Variants in NSUN7 observed in about 807,000 individuals in gnomAD.
The protein encoded by NSUN7 is NOP2/Sun RNA methyltransferase family member 7, also known as protein NSUN7.
A neutral mutation model predicts 58.5 loss-of-function variants in NSUN7; 39 were observed. The observed-to-expected ratio is 0.67, with a 90% CI of 0.52 to 0.87. The LOEUF (loss-of-function observed/expected upper bound fraction) is 0.87, where lower values mean the gene tolerates loss of function less well. Among genes scored for constraint, NSUN7 ranks in the 40% least tolerant of loss-of-function variants. NSUN7 has a pLI of 0.00. For missense variants in NSUN7, 765 were observed against 844.1 expected, an observed-to-expected ratio of 0.91 and a Z score of 1.16; for synonymous variants, 278 against 303.7, an observed-to-expected ratio of 0.92 and a Z score of 0.88.
chr4:40,801,901 CAA>C (rs56868885), intron 10 of NSUN7, among the ~76,000 whole-genome samples: 4 of 107,412 alleles, frequency 3.7e-5, no homozygotes, highest in South Asian at 3.0e-4. Flanking sequence ...GACTCTGTCT[CAA>C]AAAAAAAAAA....
rs1234226242 is a variant in NSUN7 at position 40,750,040 on chromosome 4, G to T, written c.-352G>T. The T allele has an allele frequency of 6.6e-6, 1 of 152,244 alleles. No individual in the cohort carries two copies. Among genetic ancestry groups the T allele is most frequent in the Non-Finnish European group, 1.5e-5 (1 of 68,124 alleles). 9.4% of individuals were successfully genotyped at this position (152,244 alleles called of 1,614,324 possible). A position where few individuals can be genotyped will look rare whatever the true frequency, so the allele number is the denominator to read the frequency against. On this transcript the variant is annotated 5_prime_UTR_variant, in exon 1 of 12. Transcript: ENST00000381782. ...GGCACCGCGCTCACCCCTCTTCGCC[G>T]CCACGTCCGCGAAGGCCTCACGCGC...
chr4:40,798,905 GT>G lies in NSUN7; in HGVS notation c.1400+2del. Reference sequence around the variant, plus strand: ...TTGGGAATAAAGGACAACCTTACAGGTAAGAAAAGGAAGGATTCTTCTAAAC... The same window carrying G: ...TTGGGAATAAAGGACAACCTTACAGGAAGAAAAGGAAGGATTCTTCTAAAC... On this transcript the variant is annotated splice_donor_variant, in intron 10 of 11. Coordinates refer to ENST00000381782, the MANE Select transcript of NSUN7 (RefSeq NM_024677.6). LOFTEE classifies it high-confidence loss of function. 6.8e-7 allele frequency: 1 copy of G among 1,469,110 alleles called. No individual in the cohort carries two copies. The highest frequency in any genetic ancestry group is 1.2e-5 in the South Asian group (1 of 84,838). 91.0% of individuals were successfully genotyped at this position (1,469,110 alleles called of 1,614,324 possible). A position where few individuals can be genotyped will look rare whatever the true frequency, so the allele number is the denominator to read the frequency against.
At chr4:40,784,465 T>G (rs955539194) in intron 7 of NSUN7, among the ~76,000 whole-genome samples, 1 of 152,208 alleles carries the variant, frequency 6.6e-6, no homozygotes, top group African/African-American at 2.4e-5. Flanking sequence ...ATCCTAATGG[T>G]GCAAGATGGA....
intron 7 of NSUN7, among the ~76,000 whole-genome samples, chr4:40,783,847 A>T (rs2953323): frequency 0.31 from 44,874 of 145,428 alleles, 6,858 homozygotes; most frequent in Non-Finnish European, 0.34. Flanking sequence ...GAATCCATTT[A>T]AAAAAAAAAA....
At chr4:40,751,501 C>T (rs945847338) in intron 2 of NSUN7, among the ~76,000 whole-genome samples, 46 of 151,942 alleles carry the variant, frequency 3.0e-4, no homozygotes, top group African/African-American at 1.1e-3. Context: ...AATATAAAAC[C>T]AGTGAGGGAG....
chr4:40,804,877 C>A (rs1479326247), intron 10 of NSUN7, among the ~76,000 whole-genome samples: 2 of 152,096 alleles, frequency 1.3e-5, no homozygotes, highest in African/African-American at 4.8e-5. Context: ...GTCACTGCAT[C>A]CCCTACTGTC....
intron 2 of NSUN7, 73 bp from the exon 3 acceptor site, chr4:40,760,361 A>G: frequency 9.7e-7 from 1 of 1,028,958 alleles, no homozygotes; most frequent in Non-Finnish European, 1.5e-6. Context: ...GCATTATTAC[A>G]GTGTATTTTG....
Position 40,774,753 on chromosome 4 carries a change from T to C in NSUN7, c.642-14T>C. The C allele has an allele frequency of 2.1e-6, 3 of 1,429,998 alleles. No homozygotes were observed. Among genetic ancestry groups the C allele is most frequent in the Non-Finnish European group, 2.9e-6 (3 of 1,044,598 alleles). 88.6% of individuals were successfully genotyped at this position (1,429,998 alleles called of 1,614,324 possible). A position where few individuals can be genotyped will look rare whatever the true frequency, so the allele number is the denominator to read the frequency against. On this transcript the variant is annotated splice_polypyrimidine_tract_variant and intron_variant, in intron 5 of 11. Coordinates refer to ENST00000381782, the MANE Select transcript of NSUN7 (RefSeq NM_024677.6). ...TTATATTTGTAATTACAAGCTAATG[T>C]TGTATATTTACAGCCCTGAAGAAGT... is the stretch of plus-strand genomic sequence containing the variant.
At position 40,810,960 on chromosome 4, in the gene NSUN7, C is replaced by T. The variant is rs531143769; in HGVS notation, c.*2021C>T. On this transcript the variant is annotated 3_prime_UTR_variant, in exon 12 of 12. Transcript: ENST00000381782. ...ACCAGACTGAAAAGTATTCCATTGT[C>T]CAGAAGTAGCTGGTCTTGAGATTTT... The T allele has an allele frequency of 1.3e-4, 20 of 152,224 alleles. No homozygotes were observed. Among genetic ancestry groups the T allele is most frequent in the Admixed American group, 7.2e-4 (11 of 15,300 alleles). 9.4% of individuals were successfully genotyped at this position (152,224 alleles called of 1,614,324 possible).
In NSUN7 at chr4:40,780,279, C is replaced by CATAA. The variant is rs1449149693; in HGVS notation, c.1036+4023_1036+4026dup. On this transcript the variant is annotated intron_variant, in intron 7 of 11. Transcript: ENST00000381782. The stretch of plus-strand genomic sequence containing the variant: ...TAGGCAACAGAGTGAGACTCCGTCT[C>CATAA]ATAAATCAATCAATCAATCAATCAA... Among the ~76,000 whole-genome samples, 3 of 147,584 alleles carry CATAA rather than the reference C, an allele frequency of 2.0e-5. No homozygotes were observed. In the East Asian group the frequency reaches 5.8e-4, roughly 28 times the overall value.
At chr4:40,753,265 A>G (rs1292259353) in intron 2 of NSUN7, among the ~76,000 whole-genome samples, 1 of 151,428 alleles carries the variant, frequency 6.6e-6, no homozygotes, top group African/African-American at 2.4e-5. Flanking sequence ...AAGATCTTGT[A>G]ATTATTTTAT....
At chr4:40,764,203 A>G (rs926976905) in intron 4 of NSUN7, among the ~76,000 whole-genome samples, 1 of 146,624 alleles carries the variant, frequency 6.8e-6, no homozygotes, top group African/African-American at 2.5e-5. Flanking sequence ...CATTAGGTAT[A>G]TCTCCTAATG....
rs1327604513 is a variant in NSUN7 at position 40,780,788 on chromosome 4, TAC to T, written c.1036+4533_1036+4534del. ...ACACACACACACACACACACACACATACACATATATATATATATATATATATT... is the reference window on the plus strand; with the variant it reads ...ACACACACACACACACACACACACATACATATATATATATATATATATATT... On this transcript the variant is annotated intron_variant, in intron 7 of 11. Coordinates refer to ENST00000381782, the MANE Select transcript of NSUN7 (RefSeq NM_024677.6). Among the ~76,000 whole-genome samples the T allele has an allele frequency of 1.0e-3, 89 of 89,300 alleles. 1 individual carries two copies. Among genetic ancestry groups the T allele is most frequent in the African/African-American group, 2.5e-3 (58 of 22,766 alleles). 58.6% of individuals were successfully genotyped at this position (89,300 alleles called of 152,430 possible).
chr4:40,768,565 T>C (rs372134840), intron 4 of NSUN7, among the ~76,000 whole-genome samples: 3 of 152,200 alleles, frequency 2.0e-5, no homozygotes, highest in African/African-American at 4.8e-5. Flanking sequence ...ATTTCCTCCT[T>C]GTAAAAGTGG....
At chr4:40,755,208 G>A (rs1741079999) in intron 2 of NSUN7, among the ~76,000 whole-genome samples, 1 of 152,108 alleles carries the variant, frequency 6.6e-6, no homozygotes, top group Non-Finnish European at 1.5e-5. Context: ...TCCTGCCTCA[G>A]CCTCCCTAGT....
intron 2 of NSUN7, among the ~76,000 whole-genome samples, chr4:40,754,397 G>A (rs1055481825): frequency 1.3e-5 from 2 of 151,908 alleles, no homozygotes; most frequent in Admixed American, 6.6e-5. Flanking sequence ...ATCTGCCCAC[G>A]TTGGCCTCCC....
At chr4:40,801,115 G>A (rs1413224446) in intron 10 of NSUN7, among the ~76,000 whole-genome samples, 1 of 152,060 alleles carries the variant, frequency 6.6e-6, no homozygotes, top group Non-Finnish European at 1.5e-5. Flanking sequence ...CCCTCTTTAA[G>A]ATTTCTTACC....
Position 40,806,148 on chromosome 4 carries a change from C to T in NSUN7, c.1401-913C>T, listed in dbSNP as rs142819937. On this transcript the variant is annotated intron_variant, in intron 10 of 11. Coordinates refer to ENST00000381782, the MANE Select transcript of NSUN7 (RefSeq NM_024677.6). ...TAGCTGGGATTACAGGAGTCTGCCA[C>T]CACACCCGGCTAATTTTTGCATTTT... Among the ~76,000 whole-genome samples, 508 of 152,276 alleles carry T rather than the reference C, an allele frequency of 3.3e-3. 3 individuals are homozygous for T. Among genetic ancestry groups the T allele is most frequent in the African/African-American group, 0.012 (490 of 41,552 alleles).
intron 7 of NSUN7, among the ~76,000 whole-genome samples, chr4:40,779,187 T>G (rs1389667930): frequency 6.6e-6 from 1 of 151,808 alleles, no homozygotes; most frequent in Non-Finnish European, 1.5e-5. Flanking sequence ...CTGGATGTAG[T>G]GATGTGCAGC....
Sources: allele counts gnomAD v4.1 joint callset (sites outside exome capture counted in the v4.1 genomes callset), GRCh38; gene constraint gnomAD v4.1.1; transcripts MANE v1.5; gene names NCBI Gene and HGNC (gene_info 2026-07-23, HGNC 2026-07-21).